The following MAP2K3 variants were observed in gnomAD, a reference collection of about 807,000 sequenced individuals.
The protein encoded by MAP2K3 is mitogen-activated protein kinase kinase 3, also known as dual specificity mitogen-activated protein kinase kinase 3.
Under a neutral mutation model 46.4 loss-of-function variants are expected in MAP2K3, and 30 were observed. That is an observed-to-expected ratio of 0.65 (90% confidence interval 0.48 to 0.88). MAP2K3 has a LOEUF of 0.88. Ranked by LOEUF, MAP2K3 falls within the 40% of genes least tolerant of loss-of-function variation. The probability of loss-of-function intolerance (pLI) is 0.00; values close to 1 mark genes in which losing one functional copy is unlikely to be tolerated. For synonymous variants in MAP2K3, 189 were observed against 176.3 expected, an observed-to-expected ratio of 1.07 and a Z score of -0.57; for missense variants, 380 against 464.5, an observed-to-expected ratio of 0.82 and a Z score of 1.67.
chr17:21,285,096 A>G, intron 1 of MAP2K3, 127 bp downstream of exon 1: 1 of 1,367,314 alleles, frequency 7.3e-7, no homozygotes, highest in South Asian at 1.4e-5. Context: ...CGGTCCCGGA[A>G]CCCCTTCCTG....
rs1319626898 is a variant in MAP2K3 at position 21,313,459 on chromosome 17, C to T, written c.915-33C>T. On this transcript the variant is annotated intron_variant, in intron 10 of 11. Coordinates refer to ENST00000342679, the MANE Select transcript of MAP2K3 (RefSeq NM_145109.3). ...CTTGGGGGCTGGGCTTCCTCCCTGCCAGCCTGGCCACAGCTGCACTATTCT... is the reference window on the plus strand; with the variant it reads ...CTTGGGGGCTGGGCTTCCTCCCTGCTAGCCTGGCCACAGCTGCACTATTCT... 1.9e-6 allele frequency: 3 copies of T among 1,606,108 alleles called. No individual in the cohort carries two copies. The East Asian group carries it at 6.7e-5, about 36-fold the overall frequency.
chr17:21,301,809 C>T (rs1384130474), intron 5 of MAP2K3, among the ~76,000 whole-genome samples: 4 of 152,310 alleles, frequency 2.6e-5, no homozygotes, highest in Admixed American at 6.5e-5. Flanking sequence ...TCAGCAGGGC[C>T]GGCTGTTGCC....
At position 21,300,653 on chromosome 17, in the gene MAP2K3, G is replaced by A. The variant is rs772854520; in HGVS notation, c.274G>A (p.Val92Met). 5.0e-6 allele frequency: 8 copies of A among 1,608,340 alleles called. No individual in the cohort carries two copies. In the Admixed American group the frequency reaches 6.8e-5, roughly 14 times the overall value. The change falls in exon 4 of 12, where the codon GTG becomes ATG. Residue 92 changes from valine (V) to methionine (M), a missense_variant. This residue lies in a region of MAP2K3 where 294 missense variants were observed against 275.4 expected (regional missense o/e 1.07). Coordinates refer to ENST00000342679, the MANE Select transcript of MAP2K3 (RefSeq NM_145109.3). ...RHAQSGTIMA[V>M]KRIRATVNSQ... is the part of the protein sequence containing the mutation. ...CGCCCAGAGCGGCACCATCATGGCC[G>A]TGAAGGTGAGCAGGGCCTGGAGGCA...
At chr17:21,310,521 C>A (rs1426544569) in intron 9 of MAP2K3, among the ~76,000 whole-genome samples, 1 of 152,244 alleles carries the variant, frequency 6.6e-6, no homozygotes, top group Non-Finnish European at 1.5e-5. Flanking sequence ...CCTCGGCCTC[C>A]CCCCATCCTG....
At chr17:21,310,496 T>G (rs980906068) in intron 9 of MAP2K3, among the ~76,000 whole-genome samples, 2 of 152,060 alleles carry the variant, frequency 1.3e-5, no homozygotes, top group Non-Finnish European at 2.9e-5. Context: ...AGAGTCCCCC[T>G]GGGTGGGGCT....
Position 21,300,889 on chromosome 17 carries a change from G to A in MAP2K3, c.295G>A (p.Val99Met), listed in dbSNP as rs1156837659. The change falls in exon 5 of 12, where the codon GTG becomes ATG. Residue 99 changes from valine to methionine, a missense_variant. Transcript: ENST00000342679. Reference sequence around the variant, plus strand: ...TTCCCTGCAGCGGATCCGGGCCACCGTGAACTCACAGGAGCAGAAGCGGCT... The same window carrying A: ...TTCCCTGCAGCGGATCCGGGCCACCATGAACTCACAGGAGCAGAAGCGGCT... ...IMAVKRIRAT[V>M]NSQEQKRLLM... 5.6e-6 allele frequency: 9 copies of A among 1,614,060 alleles called. No individual in the cohort carries two copies. Among genetic ancestry groups the A allele is most frequent in the East Asian group, 2.2e-5 (1 of 44,906 alleles).
In MAP2K3 at chr17:21,313,818, A is replaced by G. The variant is rs1597509546; in HGVS notation, c.960+281A>G. 8 of 575,292 alleles carry G rather than the reference A, an allele frequency of 1.4e-5. No homozygotes were observed. The East Asian group carries it at 2.0e-4, about 14-fold the overall frequency. The allele number at this position is 575,292 out of a possible 1,614,324, so 35.6% of individuals were successfully genotyped here. On this transcript the variant is annotated intron_variant, in intron 11 of 11. Coordinates refer to ENST00000342679, the MANE Select transcript of MAP2K3 (RefSeq NM_145109.3). ...TCAGGGAAGGCTTCATGGAGGAGGT[A>G]CCATTTGAACTGAGCCTGGAAGGAT...
chr17:21,288,698 G>A (rs947425575), intron 1 of MAP2K3, among the ~76,000 whole-genome samples: 2 of 152,262 alleles, frequency 1.3e-5, no homozygotes, highest in Non-Finnish European at 2.9e-5. Context: ...TGCAGACTGA[G>A]AATGGGGACC....
intron 5 of MAP2K3, 82 bp from the exon 6 acceptor site, chr17:21,302,061 G>T (rs564766728): frequency 5.9e-5 from 81 of 1,373,508 alleles, no homozygotes; most frequent in African/African-American, 7.2e-5. Flanking sequence ...CTGGGGCTGG[G>T]GCTGGTGCTG....
chr17:21,312,699 G>A lies in MAP2K3; in HGVS notation c.914+418G>A, dbSNP rs2005019. ...TGGGAGGCCGAGGCAGGCGGATCCC[G>A]AGGTCAGGAGTTTGAGACCAGCCTG... is the stretch of plus-strand genomic sequence containing the variant. On this transcript the variant is annotated intron_variant, in intron 10 of 11. Transcript: ENST00000342679. Among the ~76,000 whole-genome samples the A allele has an allele frequency of 3.5e-4, 53 of 152,186 alleles. 1 individual carries two copies. Among genetic ancestry groups the A allele is most frequent in the African/African-American group, 1.2e-3 (50 of 41,516 alleles).
intron 1 of MAP2K3, among the ~76,000 whole-genome samples, chr17:21,290,601 G>A (rs1465902834): frequency 6.6e-6 from 1 of 152,308 alleles, no homozygotes; most frequent in Non-Finnish European, 1.5e-5. Flanking sequence ...ATTTGAACCT[G>A]ATGTCTGTGC....
At chr17:21,290,518 C>G (rs148051849) in intron 1 of MAP2K3, among the ~76,000 whole-genome samples, 246 of 151,838 alleles carry the variant, frequency 1.6e-3, no homozygotes, top group African/African-American at 5.7e-3. Flanking sequence ...CCCTACCTAC[C>G]TCTCAGGGCT....
At chr17:21,311,043 A>G (rs1977135300) in intron 9 of MAP2K3, among the ~76,000 whole-genome samples, 1 of 152,164 alleles carries the variant, frequency 6.6e-6, no homozygotes, top group Non-Finnish European at 1.5e-5. Flanking sequence ...TGTCCTGTGA[A>G]CACGCATGCA....
intron 9 of MAP2K3, 107 bp from the exon 10 acceptor site, chr17:21,312,035 G>A (rs548970459): frequency 7.4e-5 from 82 of 1,111,130 alleles, no homozygotes; most frequent in Non-Finnish European, 9.7e-5. Context: ...CAGCTTTGAC[G>A]CCTGGCTCTG....
intron 9 of MAP2K3, among the ~76,000 whole-genome samples, chr17:21,305,711 G>A (rs955269602): frequency 2.0e-4 from 31 of 152,424 alleles, no homozygotes; most frequent in Middle Eastern, 3.4e-3. Context: ...TGGGGCTCAG[G>A]TCAAGGTGTG....
rs753113901 is a variant in MAP2K3 at position 21,298,515 on chromosome 17, G to A, written c.116+36G>A. On this transcript the variant is annotated intron_variant, in intron 2 of 11. Coordinates refer to ENST00000342679, the MANE Select transcript of MAP2K3 (RefSeq NM_145109.3). Reference sequence around the variant, plus strand: ...CTCAGTTTCTCCCTGGCTCACCCTGGAGAGGCTTCCCGAACAGGGCTCAAT... The same window carrying A: ...CTCAGTTTCTCCCTGGCTCACCCTGAAGAGGCTTCCCGAACAGGGCTCAAT... The A allele has an allele frequency of 4.5e-5, 72 of 1,614,254 alleles. No individual in the cohort carries two copies. The South Asian group carries it at 7.4e-4, about 16-fold the overall frequency.
At chr17:21,293,518 G>A (rs1976064225) in intron 1 of MAP2K3, among the ~76,000 whole-genome samples, 1 of 152,312 alleles carries the variant, frequency 6.6e-6, no homozygotes, top group Non-Finnish European at 1.5e-5. Flanking sequence ...GTGCTCCCGA[G>A]CCATGCTGGT....
At position 21,313,514 on chromosome 17, in the gene MAP2K3, C is replaced by T. The variant is rs750272526; in HGVS notation, c.937C>T (p.Arg313Cys). The change falls in exon 11 of 12, where the codon CGT (arginine) becomes TGT (cysteine). Residue 313 changes from arginine to cysteine, a missense_variant. Arg to Cys is a radical substitution (Grantham distance 180). Around this residue, in one of 5 missense-constraint regions of MAP2K3, gnomAD observed 63 missense variants for 81.6 expected, o/e 0.77. Transcript: ENST00000342679. ...AQCLRKNPAE[R>C]MSYLELMEHP... ...TAGCCTGAGGAAGAACCCCGCAGAG[C>T]GTATGAGCTACCTGGAGCTGATGGT... 2 of 1,593,810 alleles carry T rather than the reference C, an allele frequency of 1.3e-6. No individual in the cohort carries two copies. Among genetic ancestry groups the T allele is most frequent in the Non-Finnish European group, 1.7e-6 (2 of 1,168,454 alleles).
intron 3 of MAP2K3, 114 bp downstream of exon 3, chr17:21,299,040 G>A (rs1345094011): frequency 2.9e-5 from 43 of 1,496,524 alleles, no homozygotes; most frequent in Non-Finnish European, 3.9e-5. Flanking sequence ...AGAGGGTCAG[G>A]CTCTGGAGAA....
Sources: gnomAD v4.1 joint callset for allele counts (sites outside exome capture counted in the v4.1 genomes callset) on GRCh38, gnomAD v4.1.1 for gene constraint, gnomAD v4.1.1 regional missense constraint, MANE v1.5 for transcripts, NCBI Gene and HGNC (gene_info 2026-07-23, HGNC 2026-07-21) for gene names.